The following PDE4D variants were observed in gnomAD, a reference collection of about 807,000 sequenced individuals.
PDE4D encodes the protein 3',5'-cyclic-AMP phosphodiesterase 4D.
A neutral mutation model predicts 87.4 loss-of-function variants in PDE4D; 24 were observed. That is an observed-to-expected ratio of 0.27 (90% CI 0.20 to 0.39). PDE4D has a LOEUF of 0.39. Ranked by LOEUF, PDE4D falls within the 10% of genes least tolerant of loss-of-function variation. The pLI, the probability that PDE4D is intolerant of heterozygous loss-of-function variation, is 1.00. For missense variants in PDE4D, 714 were observed against 1,041.0 expected (o/e 0.69, Z 4.32); for synonymous variants, 384 against 383.2 (o/e 1.00, Z -0.02).
chr5:59,572,959 T>C (rs1173717856), intron 1 of PDE4D, among the ~76,000 whole-genome samples: 1 of 152,240 alleles, frequency 6.6e-6, no homozygotes, highest in East Asian at 1.9e-4. Flanking sequence ...TTAATCTTTA[T>C]GCACAACTTA....
intron 1 of PDE4D, among the ~76,000 whole-genome samples, chr5:60,304,651 CAAAAAAAAAAAAAA>C (rs70975379): frequency 1.7e-5 from 1 of 60,086 alleles, no homozygotes; most frequent in South Asian, 4.7e-4. Context: ...GACTCCGTCT[CAAAAAAAAAAAAAA>C]AAAAAAAAAG....
intron 1 of PDE4D, among the ~76,000 whole-genome samples, chr5:59,413,707 A>T (rs879577592): frequency 6.6e-6 from 1 of 152,182 alleles, no homozygotes; most frequent in Non-Finnish European, 1.5e-5. Context: ...TTTGGAAAAG[A>T]TGTGTAAACA....
At chr5:59,586,507 A>AG in intron 1 of PDE4D, 1 of 1,158,470 alleles carries the variant, frequency 8.6e-7, no homozygotes, top group Non-Finnish European at 1.1e-6. Flanking sequence ...TTGAATCCCA[A>AG]AAAAAAAAAA....
intron 1 of PDE4D, among the ~76,000 whole-genome samples, chr5:60,338,361 G>C (rs1435041766): frequency 6.6e-6 from 1 of 152,218 alleles, no homozygotes; most frequent in Non-Finnish European, 1.5e-5. Context: ...CCACTATCCT[G>C]TAGCAAGAAT....
chr5:60,446,410 T>C (rs1306022045), intron 1 of PDE4D, among the ~76,000 whole-genome samples: 4 of 152,082 alleles, frequency 2.6e-5, no homozygotes, highest in Non-Finnish European at 5.9e-5. Context: ...CTATAAAAAA[T>C]TATCTTGGAG....
At chr5:60,048,943 T>A (rs530958450) in intron 2 of PDE4D, among the ~76,000 whole-genome samples, 1 of 152,336 alleles carries the variant, frequency 6.6e-6, no homozygotes, top group South Asian at 2.1e-4. Flanking sequence ...TTCTCCTGGA[T>A]AATATCCTGC....
intron 1 of PDE4D, among the ~76,000 whole-genome samples, chr5:60,262,158 G>C (rs572328565): frequency 2.4e-4 from 37 of 151,988 alleles, no homozygotes; most frequent in Admixed American, 4.6e-4. Context: ...ACTGAATTAC[G>C]GCCCTGAAAT....
At chr5:59,430,363 C>A (rs1795930483) in intron 1 of PDE4D, 4 of 1,231,280 alleles carry the variant, frequency 3.2e-6, no homozygotes, top group East Asian at 6.3e-5. Flanking sequence ...ATAAGCGCTT[C>A]GGAATCTAGC....
chr5:59,212,767 A>C (rs1750358268), intron 2 of PDE4D, among the ~76,000 whole-genome samples: 1 of 152,012 alleles, frequency 6.6e-6, no homozygotes, highest in Non-Finnish European at 1.5e-5. Flanking sequence ...TTTTGTCAAT[A>C]CCAAGCCTGA....
intron 1 of PDE4D, among the ~76,000 whole-genome samples, chr5:59,291,602 A>G (rs1768017107): frequency 2.0e-5 from 3 of 152,098 alleles, no homozygotes; most frequent in Admixed American, 2.0e-4. Flanking sequence ...ACATAAAAAA[A>G]GGATAAATGC....
chr5:60,284,509 G>GA (rs61095596), intron 1 of PDE4D, among the ~76,000 whole-genome samples: 132 of 152,262 alleles, frequency 8.7e-4, no homozygotes, highest in African/African-American at 3.0e-3. Context: ...TGCATTATAT[G>GA]AAAAAGAAGT....
chr5:59,337,328 C>G (rs1261380137), intron 1 of PDE4D, among the ~76,000 whole-genome samples: 3 of 145,410 alleles, frequency 2.1e-5, no homozygotes, highest in Admixed American at 6.8e-5. Context: ...TAAGTTCCCC[C>G]CCCCCCACCT....
chr5:60,356,240 A>G (rs1759610691), intron 1 of PDE4D, among the ~76,000 whole-genome samples: 4 of 152,184 alleles, frequency 2.6e-5, no homozygotes. Context: ...TCTCACTGAC[A>G]AAACAGAGTG....
At chr5:60,016,061 G>A (rs1315802009) in intron 2 of PDE4D, among the ~76,000 whole-genome samples, 1 of 151,752 alleles carries the variant, frequency 6.6e-6, no homozygotes, top group African/African-American at 2.4e-5. Flanking sequence ...GTTTGTGTGT[G>A]TGTATACATA....
intron 5 of PDE4D, chr5:59,157,254 T>G (rs1177588239): frequency 4.3e-6 from 3 of 701,146 alleles, no homozygotes; most frequent in Non-Finnish European, 7.8e-6. Flanking sequence ...TGCATTGTTT[T>G]CAAAGTGACT....
At chr5:59,339,193 C>T (rs1292988900) in intron 1 of PDE4D, among the ~76,000 whole-genome samples, 4 of 152,182 alleles carry the variant, frequency 2.6e-5, no homozygotes, top group Admixed American at 2.0e-4. Context: ...ATAAGAATAA[C>T]CAAGACATGC....
At chr5:59,244,028 A>G (rs1758254918) in intron 1 of PDE4D, among the ~76,000 whole-genome samples, 1 of 152,178 alleles carries the variant, frequency 6.6e-6, no homozygotes, top group Admixed American at 6.6e-5. Context: ...TTACATGTAA[A>G]ATGGATTCCT....
chr5:59,200,154 T>C lies in PDE4D; in HGVS notation c.648-6618A>G, dbSNP rs114098722. Among the ~76,000 whole-genome samples the C allele has an allele frequency of 2.4e-3, 315 of 129,664 alleles. 3 individuals are homozygous for C. Among genetic ancestry groups the C allele is most frequent in the African/African-American group, 8.1e-3 (296 of 36,618 alleles). The allele number at this position is 129,664 out of a possible 152,430, so 85.1% of individuals were successfully genotyped here. On this transcript the variant is annotated intron_variant, in intron 2 of 14. Coordinates refer to ENST00000340635, the MANE Select transcript of PDE4D (RefSeq NM_001104631.2). ...ACATACATGTATGTACACGTATATG[T>C]ATATATAAGTATACACGTGTATGTA... is the stretch of plus-strand genomic sequence containing the variant.
intron 1 of PDE4D, among the ~76,000 whole-genome samples, chr5:59,622,872 A>G (rs1830495145): frequency 6.6e-6 from 1 of 151,906 alleles, no homozygotes; most frequent in Admixed American, 6.6e-5. Flanking sequence ...TTCTTTTCCA[A>G]CTCAGCTCAT....
Sources: allele counts gnomAD v4.1 joint callset (sites outside exome capture counted in the v4.1 genomes callset), GRCh38; gene constraint gnomAD v4.1.1; transcripts MANE v1.5; gene names NCBI Gene and HGNC (gene_info 2026-07-23, HGNC 2026-07-21).